NPAS3: variants seen among roughly 807,000 people sequenced by gnomAD.
NPAS3 encodes the protein neuronal PAS domain-containing protein 3.
A neutral mutation model predicts 73.1 loss-of-function variants in NPAS3; 14 were observed. The ratio of observed to expected loss-of-function variants is 0.19; its 90% CI spans 0.13 to 0.30. The LOEUF (loss-of-function observed/expected upper bound fraction) is 0.30, where lower values mean the gene tolerates loss of function less well. Ranked by LOEUF, NPAS3 falls within the 10% of genes least tolerant of loss-of-function variation. The pLI, the probability that NPAS3 is intolerant of heterozygous loss-of-function variation, is 1.00. For missense variants in NPAS3, 1,096 were observed against 1,250.0 expected, an observed-to-expected ratio of 0.88 and a Z score of 1.86; for synonymous variants, 620 against 541.5, an observed-to-expected ratio of 1.14 and a Z score of -2.01.
intron 2 of NPAS3, among the ~76,000 whole-genome samples, chr14:33,170,671 A>G (rs975640766): frequency 1.3e-5 from 2 of 152,148 alleles, no homozygotes; most frequent in Non-Finnish European, 2.9e-5. Context: ...ACCAGGAGTA[A>G]ATTCCATCTC....
chr14:33,755,921 T>G (rs1357878681), intron 7 of NPAS3, among the ~76,000 whole-genome samples: 1 of 152,054 alleles, frequency 6.6e-6, no homozygotes, highest in Admixed American at 6.6e-5. Context: ...GTGCCAGGTC[T>G]TTAACAACCA....
intron 4 of NPAS3, among the ~76,000 whole-genome samples, chr14:33,511,131 T>G (rs1349599602): frequency 3.3e-5 from 5 of 152,028 alleles, no homozygotes; most frequent in African/African-American, 1.2e-4. Flanking sequence ...AGCGTTCAGG[T>G]GCCTTGTGTT....
At chr14:33,723,178 A>C (rs2061164803) in intron 6 of NPAS3, among the ~76,000 whole-genome samples, 2 of 152,154 alleles carry the variant, frequency 1.3e-5, no homozygotes, top group Admixed American at 1.3e-4. Context: ...CCAGTGACAA[A>C]GCTCCAGTCA....
chr14:32,943,638 AGTAG>A (rs2036122941), intron 1 of NPAS3, among the ~76,000 whole-genome samples: 1 of 150,152 alleles, frequency 6.7e-6, no homozygotes, highest in African/African-American at 2.4e-5. Context: ...TTTCTTAAGC[AGTAG>A]GTCTTCATAT....
intron 2 of NPAS3, among the ~76,000 whole-genome samples, chr14:33,064,021 G>C (rs1187555723): frequency 3.3e-5 from 5 of 152,094 alleles, no homozygotes; most frequent in African/African-American, 1.2e-4. Flanking sequence ...TTATTACTAT[G>C]CTTTATGTAA....
chr14:33,264,786 A>G (rs1180583532), intron 3 of NPAS3, among the ~76,000 whole-genome samples: 2 of 152,174 alleles, frequency 1.3e-5, no homozygotes, highest in Non-Finnish European at 2.9e-5. Context: ...CATCAGGCCC[A>G]GTGGCAGCCT....
rs141252831 is a variant in NPAS3 at position 33,117,185 on chromosome 14, T to G, written c.140+61191T>G. Among the ~76,000 whole-genome samples, 227 of 152,184 alleles carry G rather than the reference T, an allele frequency of 1.5e-3. 1 individual carries two copies. Among genetic ancestry groups the G allele is most frequent in the Admixed American group, 3.0e-3 (46 of 15,272 alleles). ...TTAGCATGACCATCACTTCATGCATTTATCATTTCTTGGTGGTGGGGACAT... is the reference window on the plus strand; with the variant it reads ...TTAGCATGACCATCACTTCATGCATGTATCATTTCTTGGTGGTGGGGACAT... On this transcript the variant is annotated intron_variant, in intron 2 of 11. Transcript: ENST00000356141.
chr14:33,720,448 G>C (rs2061075786), intron 6 of NPAS3, among the ~76,000 whole-genome samples: 1 of 152,180 alleles, frequency 6.6e-6, no homozygotes, highest in Admixed American at 6.5e-5. Context: ...GTAGTTGTTT[G>C]ATTGCTACGT....
At chr14:33,774,571 A>C (rs1431921172) in intron 8 of NPAS3, 41 bp downstream of exon 8, 10 of 1,520,820 alleles carry the variant, frequency 6.6e-6, no homozygotes, top group Non-Finnish European at 2.7e-6. Context: ...TGCACGTTGC[A>C]CATTGGTGAG....
chr14:33,398,702 G>C (rs1359737104), intron 4 of NPAS3, among the ~76,000 whole-genome samples: 3 of 152,010 alleles, frequency 2.0e-5, no homozygotes, highest in African/African-American at 7.2e-5. Flanking sequence ...TTGAAATTAT[G>C]TTTTTCCATG....
At chr14:33,508,618 C>A (rs1356346932) in intron 4 of NPAS3, among the ~76,000 whole-genome samples, 1 of 152,028 alleles carries the variant, frequency 6.6e-6, no homozygotes, top group Admixed American at 6.6e-5. Flanking sequence ...TGGCTGTCAT[C>A]CTCCATTATC....
chr14:33,503,957 T>TA (rs1391239703), intron 4 of NPAS3, among the ~76,000 whole-genome samples: 1 of 152,004 alleles, frequency 6.6e-6, no homozygotes, highest in African/African-American at 2.4e-5. Flanking sequence ...GAAAAGGTCC[T>TA]ATGTACAACA....
chr14:33,447,208 A>T (rs1044312369), intron 4 of NPAS3, among the ~76,000 whole-genome samples: 7 of 152,244 alleles, frequency 4.6e-5, no homozygotes, highest in African/African-American at 1.7e-4. Context: ...TTTGCAGAGG[A>T]TAGTACTTGT....
chr14:33,638,872 T>G (rs2058599622), intron 5 of NPAS3, among the ~76,000 whole-genome samples: 1 of 152,196 alleles, frequency 6.6e-6, no homozygotes, highest in South Asian at 2.1e-4. Context: ...CTGTCCTAAA[T>G]CTCGAGCAGG....
chr14:33,108,677 A>G (rs1309989395), intron 2 of NPAS3, among the ~76,000 whole-genome samples: 2 of 152,154 alleles, frequency 1.3e-5, no homozygotes, highest in African/African-American at 2.4e-5. Context: ...TATTGAAACT[A>G]TATTATTTTA....
At chr14:33,558,112 C>T (rs2055449142) in intron 4 of NPAS3, among the ~76,000 whole-genome samples, 1 of 152,160 alleles carries the variant, frequency 6.6e-6, no homozygotes, top group African/African-American at 2.4e-5. Context: ...TAGCTAAAAG[C>T]TCATCTATCA....
intron 4 of NPAS3, among the ~76,000 whole-genome samples, chr14:33,555,966 C>T (rs2055339936): frequency 6.6e-6 from 1 of 151,930 alleles, no homozygotes; most frequent in East Asian, 1.9e-4. Context: ...GTTTTCCCCC[C>T]TACCAAATTG....
intron 1 of NPAS3, among the ~76,000 whole-genome samples, chr14:33,051,192 T>TGA (rs1042381732): frequency 2.0e-5 from 3 of 147,698 alleles, no homozygotes; most frequent in African/African-American, 7.6e-5. Flanking sequence ...GAGAATGGCG[T>TGA]GAACCCAGGA....
At chr14:33,101,312 G>C (rs779169434) in intron 2 of NPAS3, among the ~76,000 whole-genome samples, 34 of 152,082 alleles carry the variant, frequency 2.2e-4, no homozygotes, top group Non-Finnish European at 3.4e-4. Flanking sequence ...ATTTAAAAAG[G>C]GAAGTTATAA....
Sources: allele counts gnomAD v4.1 joint callset (sites outside exome capture counted in the v4.1 genomes callset), GRCh38; gene constraint gnomAD v4.1.1; transcripts MANE v1.5; gene names NCBI Gene and HGNC (gene_info 2026-07-23, HGNC 2026-07-21).